VAV2: variants seen among roughly 807,000 people sequenced by gnomAD.
VAV2 encodes vav guanine nucleotide exchange factor 2, also known as guanine nucleotide exchange factor VAV2.
In VAV2, 67 loss-of-function variants were observed where a neutral mutation model predicts 132.5. That is an observed-to-expected ratio of 0.51 (90% CI 0.42 to 0.62). The LOEUF (loss-of-function observed/expected upper bound fraction) is 0.62. Ranked by LOEUF, VAV2 falls within the 20% of genes least tolerant of loss-of-function variation. The pLI, the probability that VAV2 is intolerant of heterozygous loss-of-function variation, is 0.00. For synonymous variants in VAV2, 492 were observed against 443.5 expected, an observed-to-expected ratio of 1.11 and a Z score of -1.37; for missense variants, 938 against 1,153.6, an observed-to-expected ratio of 0.81 and a Z score of 2.71.
chr9:133,959,011 G>C (rs928177357), intron 1 of VAV2, among the ~76,000 whole-genome samples: 1 of 151,064 alleles, frequency 6.6e-6, no homozygotes, highest in African/African-American at 2.4e-5. Flanking sequence ...GAGAGGTGCC[G>C]AGAAACAGCA....
Position 133,910,646 on chromosome 9 carries a change from TAAAAAAAAA to T in VAV2, c.321+28448_321+28456del, listed in dbSNP as rs377220826. Among the ~76,000 whole-genome samples the T allele has an allele frequency of 8.4e-3, 1,163 of 138,594 alleles. 19 individuals are homozygous for T. Among genetic ancestry groups the T allele is most frequent in the African/African-American group, 0.03 (1,088 of 36,876 alleles). The allele number at this position is 138,594 out of a possible 152,430, so 90.9% of individuals were successfully genotyped here. A position where few individuals can be genotyped will look rare whatever the true frequency, so the allele number is the denominator to read the frequency against. On this transcript the variant is annotated intron_variant, in intron 2 of 29. Coordinates refer to ENST00000371850, the MANE Select transcript of VAV2 (RefSeq NM_001134398.2). ...TAACACGGTGAAACCCCGACTCTAC[TAAAAAAAAA>T]AAAAAAAAATTACAAAAACTTAGCC...
chr9:133,865,230 A>C (rs1276351173), intron 2 of VAV2, among the ~76,000 whole-genome samples: 1 of 152,244 alleles, frequency 6.6e-6, no homozygotes, highest in African/African-American at 2.4e-5. Context: ...GCCAGGAAGA[A>C]AAAGGAAACG....
At chr9:133,915,955 G>C (rs1840072236) in intron 2 of VAV2, among the ~76,000 whole-genome samples, 1 of 119,724 alleles carries the variant, frequency 8.4e-6, no homozygotes, top group South Asian at 2.7e-4. Flanking sequence ...TACACACGAT[G>C]CACACACGTA....
At chr9:133,865,046 T>A (rs1181611653) in intron 2 of VAV2, among the ~76,000 whole-genome samples, 1 of 152,204 alleles carries the variant, frequency 6.6e-6, no homozygotes, top group African/African-American at 2.4e-5. Flanking sequence ...CAGCAGAGGA[T>A]AGGAAGCCTC....
rs1251387782 is a variant in VAV2, at chr9:133,883,414, G to A, written c.322-21982C>T. ...CAGTGGGCAGTCAGGGCCAGGGAGA[G>A]GAACAGAGCCGAGTCAGCTGCTGAC... On this transcript the variant is annotated intron_variant, in intron 2 of 29. Transcript: ENST00000371850. This position sits in a 1 kb window ranked among gnomAD's most constrained non-coding sequence, Gnocchi z 4.2. Among the ~76,000 whole-genome samples the A allele has an allele frequency of 3.3e-5, 5 of 152,326 alleles. No individual in the cohort carries two copies. The South Asian group carries it at 6.2e-4, about 19-fold the overall frequency.
At chr9:133,933,730 G>GAGGATGGA (rs149852975) in intron 2 of VAV2, among the ~76,000 whole-genome samples, 1 of 132,704 alleles carries the variant, frequency 7.5e-6, no homozygotes, top group Non-Finnish European at 1.6e-5. Flanking sequence ...TGGATGGATG[G>GAGGATGGA]TGGATGAATG....
intron 2 of VAV2, among the ~76,000 whole-genome samples, chr9:133,898,791 G>T (rs1326154651): frequency 6.7e-6 from 1 of 149,426 alleles, no homozygotes; most frequent in Non-Finnish European, 1.5e-5. Context: ...GGCCGTGTCG[G>T]ATCCAGGGAG....
chr9:133,935,229 C>T lies in VAV2; in HGVS notation c.321+3874G>A, dbSNP rs1486526060. 6.6e-6 allele frequency among the ~76,000 whole-genome samples: 1 copy of T among 152,186 alleles called. No individual in the cohort carries two copies. Among genetic ancestry groups the T allele is most frequent in the Admixed American group, 6.5e-5 (1 of 15,282 alleles). On this transcript the variant is annotated intron_variant, in intron 2 of 29. Transcript: ENST00000371850. This position sits in a 1 kb window ranked among gnomAD's most constrained non-coding sequence, Gnocchi z 5.2. ...GCCAGGGCGTCCCAACTGGGCTGAGCTCATGAATGACAAAAGATGAATCTG... is the reference window on the plus strand; with the variant it reads ...GCCAGGGCGTCCCAACTGGGCTGAGTTCATGAATGACAAAAGATGAATCTG...
chr9:133,804,812 T>C lies in VAV2; in HGVS notation c.836+1269A>G, dbSNP rs538693784. On this transcript the variant is annotated intron_variant, in intron 9 of 29. Transcript: ENST00000371850. The surrounding 1 kb of genome is among the most constrained non-coding windows in gnomAD (Gnocchi z 4.5). ...TAGGGAGCTGTCCTCCCCCGATCCC[T>C]GCCCACTCTTAACCCTCTGGGGCTG... Among the ~76,000 whole-genome samples the C allele has an allele frequency of 1.1e-4, 16 of 152,288 alleles. No individual in the cohort carries two copies. In the South Asian group the frequency reaches 3.1e-3, roughly 30 times the overall value.
Position 133,900,766 on chromosome 9 carries a change from G to GATTTATTT in VAV2, c.321+38329_321+38336dup, listed in dbSNP as rs10538806. ...AATTAATCAATCTACCTCCTGTCTT[G>GATTTATTT]ATTTATTTATTTATTTATTTATTTA... On this transcript the variant is annotated intron_variant, in intron 2 of 29. Transcript: ENST00000371850. Among the ~76,000 whole-genome samples the GATTTATTT allele has an allele frequency of 6.6e-3, 962 of 145,578 alleles. 13 individuals are homozygous for GATTTATTT. Among genetic ancestry groups the GATTTATTT allele is most frequent in the African/African-American group, 0.022 (845 of 38,994 alleles).
At chr9:133,773,469 C>T (rs895690625) in intron 25 of VAV2, among the ~76,000 whole-genome samples, 1 of 152,210 alleles carries the variant, frequency 6.6e-6, no homozygotes, top group African/African-American at 2.4e-5. Context: ...TGAGGCTACA[C>T]TACATTTATT....
chr9:133,768,370 A>T lies in VAV2; in HGVS notation c.2589+72T>A, dbSNP rs1335063498. On this transcript the variant is annotated intron_variant, in intron 29 of 29. Transcript: ENST00000371850. This position sits in a 1 kb window ranked among gnomAD's most constrained non-coding sequence, Gnocchi z 5.3. ...GGGGTGTGGACATAGGTGTGGTGCT[A>T]GTCTGCCTGAGCCCGACCAGGTAGG... is the stretch of plus-strand genomic sequence containing the variant. 3 of 1,563,016 alleles carry T rather than the reference A, an allele frequency of 1.9e-6. No individual in the cohort carries two copies. The highest frequency in any genetic ancestry group is 1.3e-5 in the African/African-American group (1 of 74,142).
In VAV2 at chr9:133,889,228, G is replaced by A. The variant is rs181937622; in HGVS notation, c.322-27796C>T. ...CCCCAGGTCTTGGCCTGGGTTCCTCGTCCAGGAAACTAGAGTCATCACAGT... is the reference window on the plus strand; with the variant it reads ...CCCCAGGTCTTGGCCTGGGTTCCTCATCCAGGAAACTAGAGTCATCACAGT... On this transcript the variant is annotated intron_variant, in intron 2 of 29. Transcript: ENST00000371850. Among the ~76,000 whole-genome samples the A allele has an allele frequency of 1.2e-3, 182 of 152,288 alleles. No homozygotes were observed. The South Asian group carries it at 0.019, about 16-fold the overall frequency.
chr9:133,986,273 T>C (rs421771), intron 1 of VAV2, among the ~76,000 whole-genome samples: 2 of 151,476 alleles, frequency 1.3e-5, no homozygotes, highest in East Asian at 3.9e-4. Context: ...ACCCCTACAG[T>C]TGCGTGACCT....
chr9:133,811,834 C>T (rs764942775), intron 5 of VAV2, among the ~76,000 whole-genome samples: 2 of 152,210 alleles, frequency 1.3e-5, no homozygotes, highest in African/African-American at 2.4e-5. Flanking sequence ...GGGTCATGAC[C>T]GTGGTGGTGT....
chr9:133,809,331 T>C (rs1223764681), intron 6 of VAV2, among the ~76,000 whole-genome samples, 193 bp from the exon 7 acceptor site: 1 of 152,058 alleles, frequency 6.6e-6, no homozygotes, highest in Admixed American at 6.5e-5. Flanking sequence ...ATTTTGCAGA[T>C]GAAGAAACTG....
At chr9:133,864,394 CG>C (rs1564416715) in intron 2 of VAV2, among the ~76,000 whole-genome samples, 1 of 152,220 alleles carries the variant, frequency 6.6e-6, no homozygotes, top group African/African-American at 2.4e-5. Flanking sequence ...CACCAGGCCA[CG>C]CTTGGTGAGA....
rs1434790956 is a variant in VAV2, at chr9:133,834,244, C to T, written c.449+28G>A. ...AACCTCCCTGCCCCTCCCTCCTCTC[C>T]ATCCCTCCTCCCATCCCCCCGCCTT... is the stretch of plus-strand genomic sequence containing the variant. On this transcript the variant is annotated intron_variant, in intron 4 of 29. Transcript: ENST00000371850. This position sits in a 1 kb window ranked among gnomAD's most constrained non-coding sequence, Gnocchi z 5.9. 6.3e-7 allele frequency: 1 copy of T among 1,596,106 alleles called. No individual in the cohort carries two copies. Among genetic ancestry groups the T allele is most frequent in the Non-Finnish European group, 8.5e-7 (1 of 1,170,310 alleles).
At chr9:133,982,029 C>T (rs1040823519) in intron 1 of VAV2, among the ~76,000 whole-genome samples, 4 of 152,238 alleles carry the variant, frequency 2.6e-5, no homozygotes, top group Admixed American at 6.5e-5. Context: ...ACAAACTGTG[C>T]GACCCGGAAG....
Sources: allele counts gnomAD v4.1 joint callset (sites outside exome capture counted in the v4.1 genomes callset), GRCh38; gene constraint gnomAD v4.1.1; non-coding constraint Gnocchi (gnomAD v3.1); transcripts MANE v1.5; gene names NCBI Gene and HGNC (gene_info 2026-07-23, HGNC 2026-07-21).